The following LRRC43 variants were observed in gnomAD, a reference collection of about 807,000 sequenced individuals.
LRRC43 encodes the protein leucine rich repeat containing 43, also known as leucine-rich repeat-containing protein 43.
LRRC43 carries 62 observed loss-of-function variants against 64.3 expected under a neutral mutation model. That is an observed-to-expected ratio of 0.96 (90% CI 0.79 to 1.19). LRRC43 has a LOEUF of 1.19. LRRC43 is among the 50% of genes most tolerant of loss of function. The pLI, the probability that LRRC43 is intolerant of heterozygous loss-of-function variation, is 0.00. For synonymous variants in LRRC43, 422 were observed against 382.3 expected (o/e 1.10, Z -1.21); for missense variants, 868 against 845.0 (o/e 1.03, Z -0.34).
At chr12:122,176,901 A>C (rs1374432725) in intron 1 of LRRC43, among the ~76,000 whole-genome samples, 1 of 152,034 alleles carries the variant, frequency 6.6e-6, no homozygotes, top group Non-Finnish European at 1.5e-5. Flanking sequence ...CTCAAGGTGC[A>C]CAGAGGGGAC....
intron 4 of LRRC43, chr12:122,189,384 C>A (rs183575846): frequency 1.2e-4 from 55 of 455,990 alleles, no homozygotes; most frequent in African/African-American, 1.1e-3. Context: ...CTGGTTTCCT[C>A]TTCCTCCCCT....
rs1008096430 is a variant in LRRC43 at position 122,190,144 on chromosome 12, C to A, written c.677C>A (p.Ser226Tyr). 9 of 1,614,100 alleles carry A rather than the reference C, an allele frequency of 5.6e-6. No homozygotes were observed. Among genetic ancestry groups the A allele is most frequent in the Non-Finnish European group, 7.6e-6 (9 of 1,180,002 alleles). Residue 226 changes from serine to tyrosine, a missense_variant, in exon 5 of 12, where the codon TCC becomes TAC. Transcript: ENST00000339777. Reference protein sequence around the residue: ...VTANHWPNLVSLDLGFNDLTD... With the variant: ...VTANHWPNLVYLDLGFNDLTD... The stretch of plus-strand genomic sequence containing the variant: ...TCACCTTCCAGGCCCAACCTCGTCT[C>A]CCTGGACCTGGGCTTCAACGACCTG...
chr12:122,199,596 T>C (rs1489816492), intron 7 of LRRC43, among the ~76,000 whole-genome samples: 2 of 151,904 alleles, frequency 1.3e-5, no homozygotes, highest in East Asian at 3.9e-4. Flanking sequence ...CTTTTTTTTT[T>C]CTCCTGCAGG....
chr12:122,198,970 T>C lies in LRRC43; in HGVS notation c.1350-1219T>C, dbSNP rs528047431. On this transcript the variant is annotated intron_variant, in intron 7 of 11. Coordinates refer to ENST00000339777, the MANE Select transcript of LRRC43 (RefSeq NM_001098519.2). ...TTTCAAACCAGTTATTATTGTCATA[T>C]GTACTTTCACGATTTTTTTTTTTTT... is the stretch of plus-strand genomic sequence containing the variant. Among the ~76,000 whole-genome samples the C allele has an allele frequency of 9.3e-4, 137 of 146,940 alleles. 1 individual carries two copies. The highest frequency in any genetic ancestry group is 3.4e-3 in the African/African-American group (135 of 39,964).
chr12:122,193,156 G>T lies in LRRC43; in HGVS notation c.1349+152G>T, dbSNP rs1017196425. On this transcript the variant is annotated intron_variant, in intron 7 of 11. Transcript: ENST00000339777. ...GGCACTTTGGGAGGCAGAGGCGGGC[G>T]GATCACGAGGTCAGGAGATCGAGAC... 9.8e-6 allele frequency: 7 copies of T among 711,882 alleles called. No individual in the cohort carries two copies. The Admixed American group carries it at 1.1e-4, about 12-fold the overall frequency. The allele number at this position is 711,882 out of a possible 1,614,324, so 44.1% of individuals were successfully genotyped here.
rs746845862 is a variant in LRRC43, at chr12:122,184,736, T to TCTTCTACTCCTA, written c.373_384dup (p.Tyr125_Phe128dup). The TCTTCTACTCCTA allele has an allele frequency of 1.2e-6, 2 of 1,612,722 alleles. No homozygotes were observed. The highest frequency in any genetic ancestry group is 1.7e-6 in the Non-Finnish European group (2 of 1,179,374). ...AACCCGCTGACGATCACAGACACCT[T>TCTTCTACTCCTA]CTTCTACTCCTACTTCCGGTCCCTG... On this transcript the variant is annotated inframe_insertion, in exon 2 of 12. Coordinates refer to ENST00000339777, the MANE Select transcript of LRRC43 (RefSeq NM_001098519.2). The surrounding 1 kb of genome is among the most constrained non-coding windows in gnomAD (Gnocchi z 4.0).
Position 122,190,098 on chromosome 12 carries a change from T to C in LRRC43, c.663-32T>C, listed in dbSNP as rs757139607. ...GCTTGCCCCCTGCTCACCTGGCTTC[T>C]TGACCCCCAGACGGTCCTGCTCACC... On this transcript the variant is annotated intron_variant, in intron 4 of 11. Transcript: ENST00000339777. The C allele has an allele frequency of 3.8e-6, 6 of 1,587,250 alleles. No homozygotes were observed. The South Asian group carries it at 6.6e-5, about 18-fold the overall frequency.
At chr12:122,181,475 G>C (rs1394987520), upstream of LRRC43, among the ~76,000 whole-genome samples, 1 of 150,952 alleles carries the variant, frequency 6.6e-6, no homozygotes, top group African/African-American at 2.4e-5. Context: ...CCTGGCAGGC[G>C]GAGCTTGCAG....
chr12:122,175,032 G>T (rs1953525169), intron 1 of LRRC43, among the ~76,000 whole-genome samples: 1 of 151,872 alleles, frequency 6.6e-6, no homozygotes. Flanking sequence ...TAGAAATGGG[G>T]TTTCGCCATG....
intron 11 of LRRC43, chr12:122,202,265 G>A (rs1353440475): frequency 6.6e-6 from 1 of 151,730 alleles, no homozygotes; most frequent in Admixed American, 6.6e-5. Flanking sequence ...GATTCTTACA[G>A]CTACTTCTGC....
chr12:122,172,803 T>G (rs764014340), intron 1 of LRRC43: 443 of 1,308,210 alleles, frequency 3.4e-4, no homozygotes, highest in Non-Finnish European at 4.4e-4. Context: ...GTCTTAACAG[T>G]GAATGTTTGC....
Position 122,190,136 on chromosome 12 carries a change from C to A in LRRC43, c.669C>A (p.Asn223Lys), listed in dbSNP as rs1011731415. The A allele has an allele frequency of 1.2e-6, 2 of 1,614,026 alleles. No individual in the cohort carries two copies. The highest frequency in any genetic ancestry group is 1.7e-6 in the Non-Finnish European group (2 of 1,179,908). The change falls in exon 5 of 12, where the codon AAC (asparagine) becomes AAA (lysine). Residue 223 changes from asparagine to lysine, a missense_variant. Coordinates refer to ENST00000339777, the MANE Select transcript of LRRC43 (RefSeq NM_001098519.2). ...SLYVTANHWP[N>K]LVSLDLGFND... is the part of the protein sequence containing the mutation. The stretch of plus-strand genomic sequence containing the variant: ...GGTCCTGCTCACCTTCCAGGCCCAA[C>A]CTCGTCTCCCTGGACCTGGGCTTCA...
At chr12:122,171,533 G>A (rs886916857) in intron 1 of LRRC43, among the ~76,000 whole-genome samples, 1 of 151,794 alleles carries the variant, frequency 6.6e-6, no homozygotes, top group Non-Finnish European at 1.5e-5. Flanking sequence ...TTTGTTTTGG[G>A]TTGGTTTTTT....
intron 1 of LRRC43, among the ~76,000 whole-genome samples, chr12:122,170,302 C>T (rs1478473692): frequency 6.6e-6 from 1 of 152,060 alleles, no homozygotes; most frequent in African/African-American, 2.4e-5. Flanking sequence ...TCACCAAAAC[C>T]TTGTCATTGG....
upstream of LRRC43, among the ~76,000 whole-genome samples, chr12:122,181,610 A>ATTT (rs369940986): frequency 0.014 from 1,887 of 135,308 alleles, 58 homozygotes; most frequent in African/African-American, 0.044. Flanking sequence ...TTTTGGATAA[A>ATTT]TTTTTTTTTT....
intron 6 of LRRC43, 83 bp downstream of exon 6, chr12:122,191,650 A>T: frequency 9.6e-7 from 1 of 1,044,506 alleles, no homozygotes; most frequent in South Asian, 1.8e-5. Flanking sequence ...AATCCTTTTA[A>T]TTAATTAATT....
rs148757663 is a variant in LRRC43 at position 122,170,656 on chromosome 12, G to C, written c.-406+2874G>C. 2.0e-5 allele frequency among the ~76,000 whole-genome samples: 3 copies of C among 150,446 alleles called. 1 individual carries two copies. Among genetic ancestry groups the C allele is most frequent in the African/African-American group, 7.5e-5 (3 of 39,854 alleles). ...GGAAAAAAAACAAAAAAGCCTGCTAGGGGCTGCAGTAGAAATACCTGTGAG... is the reference window on the plus strand; with the variant it reads ...GGAAAAAAAACAAAAAAGCCTGCTACGGGCTGCAGTAGAAATACCTGTGAG... On this transcript the variant is annotated intron_variant, in intron 1 of 5. Coordinates refer to the LRRC43 transcript ENST00000537729.
chr12:122,188,986 G>C (rs943032224), intron 4 of LRRC43, among the ~76,000 whole-genome samples: 13 of 152,162 alleles, frequency 8.5e-5, no homozygotes, highest in African/African-American at 2.9e-4. Context: ...CACCACCCTG[G>C]AACCAAGCCC....
In LRRC43 at chr12:122,200,929, G is replaced by A. The variant is rs1383315806; in HGVS notation, c.1804G>A (p.Ala602Thr). 1.3e-6 allele frequency: 2 copies of A among 1,599,394 alleles called. No homozygotes were observed. Among genetic ancestry groups the A allele is most frequent in the Non-Finnish European group, 1.7e-6 (2 of 1,173,036 alleles). The change falls in exon 10 of 12, where the codon GCC becomes ACC. Residue 602 changes from alanine to threonine, a missense_variant. Transcript: ENST00000339777. This position sits in a 1 kb window ranked among gnomAD's most constrained non-coding sequence, Gnocchi z 4.6. ...ATTGACATCTGACAGGCTGACGTTG[G>A]CCAGGGTACAGCCGGGCCCTAGCCA... ...RTLTSDRLTL[A>T]RDSKKIKKVA...
Sources: gnomAD v4.1 joint callset for allele counts (sites outside exome capture counted in the v4.1 genomes callset) on GRCh38, gnomAD v4.1.1 for gene constraint, Gnocchi (gnomAD v3.1) non-coding constraint, MANE v1.5 for transcripts, NCBI Gene and HGNC (gene_info 2026-07-23, HGNC 2026-07-21) for gene names.